CRCP: variants seen among roughly 807,000 people sequenced by gnomAD.
CRCP encodes the protein CGRP receptor component, also known as DNA-directed RNA polymerase III subunit RPC9.
CRCP carries 18 observed loss-of-function variants against 18.5 expected under a neutral mutation model. The observed-to-expected ratio is 0.97, with a 90% CI of 0.67 to 1.44. The LOEUF is 1.44. Ranked by LOEUF, CRCP falls within the 40% of genes most tolerant of loss-of-function variation. The pLI is 0.00. For missense variants in CRCP, 130 were observed against 176.4 expected (o/e 0.74, Z 1.49); for synonymous variants, 53 against 62.9 (o/e 0.84, Z 0.75).
chr7:66,122,640 GT>G (rs774939052), intron 1 of CRCP, among the ~76,000 whole-genome samples: 15 of 142,582 alleles, frequency 1.1e-4, no homozygotes, highest in Admixed American at 1.4e-4. Context: ...CAGTTGTTTT[GT>G]TTTTTTTTTT....
At chr7:66,136,644 G>A (rs991675688) in intron 4 of CRCP, among the ~76,000 whole-genome samples, 9 of 152,090 alleles carry the variant, frequency 5.9e-5, no homozygotes, top group Non-Finnish European at 1.3e-4. Context: ...CATTTCAGGT[G>A]TGAGCCACCG....
intron 4 of CRCP, among the ~76,000 whole-genome samples, chr7:66,138,820 T>C (rs1367192490): frequency 2.6e-5 from 4 of 151,760 alleles, no homozygotes; most frequent in Non-Finnish European, 1.5e-5. Context: ...TAAATAAATT[T>C]CAAAAAAGAT....
chr7:66,120,966 A>C (rs1351840265), intron 1 of CRCP, among the ~76,000 whole-genome samples: 2 of 151,972 alleles, frequency 1.3e-5, no homozygotes, highest in African/African-American at 2.4e-5. Context: ...GGCACAATGA[A>C]CAGCTCCCCT....
intron 3 of CRCP, 71 bp from the exon 4 acceptor site, chr7:66,134,209 G>A (rs2243480): frequency 0.11 from 132,478 of 1,165,962 alleles, 8,809 homozygotes; most frequent in Middle Eastern, 0.22. Flanking sequence ...TACAGTCATT[G>A]CCTTTGTTTT....
rs2271892 is a variant in CRCP at position 66,127,463 on chromosome 7, G to A, written c.9-241G>A. 1.4e-3 allele frequency among the ~76,000 whole-genome samples: 207 copies of A among 152,346 alleles called. 1 individual carries two copies. Among genetic ancestry groups the A allele is most frequent in the East Asian group, 0.012 (62 of 5,184 alleles). Reference sequence around the variant, plus strand: ...GTCAATAGCTGATGGGAGGCAGATAGTAATGGGGAGAGGACATGGCTGTGG... The same window carrying A: ...GTCAATAGCTGATGGGAGGCAGATAATAATGGGGAGAGGACATGGCTGTGG... On this transcript the variant is annotated intron_variant, in intron 1 of 5. Coordinates refer to ENST00000395326, the MANE Select transcript of CRCP (RefSeq NM_014478.5).
At chr7:66,143,783 T>C (rs1448223335) in intron 4 of CRCP, among the ~76,000 whole-genome samples, 1 of 152,184 alleles carries the variant, frequency 6.6e-6, no homozygotes, top group Non-Finnish European at 1.5e-5. Flanking sequence ...AGTTATTTAC[T>C]CTCTCAGTGT....
chr7:66,152,596 C>T lies in CRCP; in HGVS notation c.*239C>T, dbSNP rs890364364. 1 of 502,302 alleles carries T rather than the reference C, an allele frequency of 2.0e-6. No individual in the cohort carries two copies. The highest frequency in any genetic ancestry group is 3.6e-6 in the Non-Finnish European group (1 of 278,412). The allele number at this position is 502,302 out of a possible 1,614,324, so 31.1% of individuals were successfully genotyped here. A position where few individuals can be genotyped will look rare whatever the true frequency, so the allele number is the denominator to read the frequency against. ...GAGCTGAAGGTGGGGACAGTGACCGCGGACCCCTCTGTGCTTGAAAGATTT... is the reference window on the plus strand; with the variant it reads ...GAGCTGAAGGTGGGGACAGTGACCGTGGACCCCTCTGTGCTTGAAAGATTT... On this transcript the variant is annotated 3_prime_UTR_variant, in exon 6 of 6. Transcript: ENST00000395326.
chr7:66,127,420 G>T (rs1356113929), intron 1 of CRCP, among the ~76,000 whole-genome samples: 2 of 152,214 alleles, frequency 1.3e-5, no homozygotes, highest in African/African-American at 4.8e-5. Context: ...TCAGCAGGAG[G>T]ACGTGGCAGC....
chr7:66,146,627 G>C (rs1450521867), intron 5 of CRCP, among the ~76,000 whole-genome samples: 2 of 152,036 alleles, frequency 1.3e-5, no homozygotes, highest in African/African-American at 4.8e-5. Flanking sequence ...AAGGCCACAG[G>C]GTATTTAATT....
At chr7:66,152,148 G>A (rs2116068565) in intron 5 of CRCP, 60 bp from the exon 6 acceptor site, 1 of 1,599,852 alleles carries the variant, frequency 6.3e-7, no homozygotes. Context: ...ACAGTGGGCA[G>A]GGCTGCCCAA....
At chr7:66,125,359 A>T (rs937314667) in intron 1 of CRCP, among the ~76,000 whole-genome samples, 1 of 149,578 alleles carries the variant, frequency 6.7e-6, no homozygotes, top group African/African-American at 2.4e-5. Context: ...TTAGGACTTC[A>T]TAAAAGGTAG....
chr7:66,116,188 G>A (rs959433957), intron 1 of CRCP, among the ~76,000 whole-genome samples: 5 of 151,990 alleles, frequency 3.3e-5, no homozygotes, highest in African/African-American at 1.2e-4. Flanking sequence ...CTCTCATATT[G>A]TCTATTTTTT....
intron 1 of CRCP, among the ~76,000 whole-genome samples, chr7:66,116,766 C>T (rs1015158633): frequency 4.6e-5 from 7 of 152,118 alleles, no homozygotes; most frequent in Admixed American, 2.0e-4. Context: ...ATTAGCCCCT[C>T]ATTCTCTCAG....
At chr7:66,116,871 A>G (rs1215876297) in intron 1 of CRCP, among the ~76,000 whole-genome samples, 1 of 152,140 alleles carries the variant, frequency 6.6e-6, no homozygotes, top group Non-Finnish European at 1.5e-5. Flanking sequence ...CTATAATCGC[A>G]GCACTTTAGG....
At chr7:66,123,260 G>A (rs962318530) in intron 1 of CRCP, among the ~76,000 whole-genome samples, 1 of 151,942 alleles carries the variant, frequency 6.6e-6, no homozygotes. Flanking sequence ...GGCGTAAAAT[G>A]AGTACTATTC....
At position 66,126,498 on chromosome 7, in the gene CRCP, C is replaced by A. The variant is rs1012551621; in HGVS notation, c.9-1206C>A. On this transcript the variant is annotated intron_variant, in intron 1 of 5. Transcript: ENST00000395326. ...TTTATTTAGACTTCTTACTGTGTGACCTTGAGCAAGTTACTTAATTTCTGA... is the reference window on the plus strand; with the variant it reads ...TTTATTTAGACTTCTTACTGTGTGAACTTGAGCAAGTTACTTAATTTCTGA... 58 of 282,134 alleles carry A rather than the reference C, an allele frequency of 2.1e-4. 2 individuals carry two copies. The highest frequency in any genetic ancestry group is 1.6e-3 in the South Asian group (54 of 32,832). The allele number at this position is 282,134 out of a possible 1,614,324, so 17.5% of individuals were successfully genotyped here. A position where few individuals can be genotyped will look rare whatever the true frequency, so the allele number is the denominator to read the frequency against.
chr7:66,141,409 G>A (rs1267545018), intron 4 of CRCP, among the ~76,000 whole-genome samples: 1 of 151,998 alleles, frequency 6.6e-6, no homozygotes. Flanking sequence ...CTGCTCTCTG[G>A]TCCTTCTCCT....
At chr7:66,151,795 C>G (rs369701906) in intron 5 of CRCP, among the ~76,000 whole-genome samples, 3 of 138,210 alleles carry the variant, frequency 2.2e-5, no homozygotes, top group East Asian at 4.2e-4. Context: ...CTCTGTCACC[C>G]AGGCTGGAGT....
At chr7:66,120,370 G>A (rs1309109797) in intron 1 of CRCP, among the ~76,000 whole-genome samples, 1 of 152,118 alleles carries the variant, frequency 6.6e-6, no homozygotes, top group Non-Finnish European at 1.5e-5. Context: ...TTTGAATCAC[G>A]GGGTTTTGTT....
Sources: allele counts gnomAD v4.1 joint callset (sites outside exome capture counted in the v4.1 genomes callset), GRCh38; gene constraint gnomAD v4.1.1; transcripts MANE v1.5; gene names NCBI Gene and HGNC (gene_info 2026-07-23, HGNC 2026-07-21).